STK3: variants seen among roughly 807,000 people sequenced by gnomAD.
STK3 encodes serine/threonine kinase 3, also known as serine/threonine-protein kinase 3.
In STK3, 41 loss-of-function variants were observed where a neutral mutation model predicts 58.0. That is an observed-to-expected ratio of 0.71 (90% CI 0.55 to 0.92). STK3 has a LOEUF of 0.92. Among genes scored for constraint, STK3 ranks in the 40% least tolerant of loss-of-function variants. The pLI, the probability that STK3 is intolerant of heterozygous loss-of-function variation, is 0.00. For missense variants in STK3, 479 were observed against 602.7 expected (o/e 0.79, Z 2.15); for synonymous variants, 170 against 191.0 (o/e 0.89, Z 0.91).
At chr8:98,736,939 T>C (rs1422647057) in intron 4 of STK3, among the ~76,000 whole-genome samples, 2 of 152,304 alleles carry the variant, frequency 1.3e-5, no homozygotes, top group Admixed American at 6.5e-5. Context: ...TTACTATTAA[T>C]GTGGTTAATA....
intron 6 of STK3, among the ~76,000 whole-genome samples, chr8:98,695,348 T>G (rs556169399): frequency 2.9e-4 from 44 of 152,330 alleles, no homozygotes; most frequent in African/African-American, 9.6e-4. Flanking sequence ...CTCTTTAGTT[T>G]AATTAGATCC....
chr8:98,838,983 T>G (rs1166530500), intron 3 of STK3, among the ~76,000 whole-genome samples: 1 of 137,530 alleles, frequency 7.3e-6, no homozygotes, highest in Non-Finnish European at 1.6e-5. Context: ...TTTTGTTTGT[T>G]TGTTTTGTGT....
At chr8:98,884,492 C>T (rs1022964406) in intron 1 of STK3, among the ~76,000 whole-genome samples, 7 of 152,248 alleles carry the variant, frequency 4.6e-5, no homozygotes, top group African/African-American at 1.4e-4. Flanking sequence ...ATTAACAATA[C>T]AATAGCTTAT....
rs181007104 is a variant in STK3, at chr8:98,502,429, C to T, written c.1317+24313G>A. ...TCTTGCCTGATTGCCCTGACCAGAACTTCCAACACTATGTTGAATAGGAGT... is the reference window on the plus strand; with the variant it reads ...TCTTGCCTGATTGCCCTGACCAGAATTTCCAACACTATGTTGAATAGGAGT... On this transcript the variant is annotated intron_variant, in intron 10 of 10. Coordinates refer to ENST00000419617, the MANE Select transcript of STK3 (RefSeq NM_006281.4). 5.4e-3 allele frequency among the ~76,000 whole-genome samples: 818 copies of T among 152,290 alleles called. 9 individuals carry two copies. Among genetic ancestry groups the T allele is most frequent in the African/African-American group, 0.019 (788 of 41,568 alleles).
rs1053303994 is a variant in STK3, at chr8:98,905,296, C to G, written c.-78-21462G>C. The G allele has an allele frequency of 1.9e-5, 16 of 837,040 alleles. No individual in the cohort carries two copies. In the African/African-American group the frequency reaches 2.2e-4, roughly 11 times the overall value. The allele number at this position is 837,040 out of a possible 1,614,324, so 51.9% of individuals were successfully genotyped here. The stretch of plus-strand genomic sequence containing the variant: ...AAGGCCCCTGACGGTCTCACTGCGT[C>G]CTCTGACCACTCCATGTGTATGAAG... On this transcript the variant is annotated intron_variant, in intron 1 of 1. Coordinates refer to the STK3 transcript ENST00000519420.
intron 1 of STK3, among the ~76,000 whole-genome samples, chr8:98,792,385 T>C (rs1353609293): frequency 4.6e-5 from 7 of 152,098 alleles, no homozygotes; most frequent in Admixed American, 4.6e-4. Flanking sequence ...TGGAAAACAG[T>C]GTGGAGATTC....
rs191392893 is a variant in STK3 at position 98,436,973 on chromosome 8, C to T, written n.291+130G>A. The T allele has an allele frequency of 1.7e-3, 260 of 152,430 alleles. 1 individual carries two copies. The highest frequency in any genetic ancestry group is 1.8e-3 in the Non-Finnish European group (125 of 68,096). The allele number at this position is 152,430 out of a possible 1,614,324, so 9.4% of individuals were successfully genotyped here. ...CTAAGGCTCTCACCCCGCTTCTGTC[C>T]GTGTTAACTCATGTTCATTCCCAAC... On this transcript the variant is annotated intron_variant and non_coding_transcript_variant, in intron 2 of 3. Transcript: ENST00000517832.
chr8:98,934,489 T>G (rs1381182315), intron 1 of STK3, among the ~76,000 whole-genome samples: 1 of 152,222 alleles, frequency 6.6e-6, no homozygotes, highest in Non-Finnish European at 1.5e-5. Context: ...GGGCAAGTAG[T>G]GGCAATATGC....
intron 1 of STK3, among the ~76,000 whole-genome samples, chr8:98,796,698 G>A (rs991477730): frequency 9.9e-5 from 15 of 152,174 alleles, no homozygotes; most frequent in Non-Finnish European, 2.2e-4. Flanking sequence ...GAAAATATTT[G>A]CAAACTATGC....
At chr8:98,495,735 A>AT (rs1823081419) in intron 10 of STK3, among the ~76,000 whole-genome samples, 1 of 152,232 alleles carries the variant, frequency 6.6e-6, no homozygotes, top group Non-Finnish European at 1.5e-5. Flanking sequence ...ATGCTTTTAT[A>AT]GCAACAGATT....
chr8:98,817,385 C>A (rs757908609), intron 1 of STK3, among the ~76,000 whole-genome samples: 12 of 146,628 alleles, frequency 8.2e-5, no homozygotes, highest in African/African-American at 2.5e-5. Context: ...ACCTATAAGG[C>A]GGAGGTTGCA....
chr8:98,716,085 G>A (rs1259248738), intron 4 of STK3, among the ~76,000 whole-genome samples: 1 of 152,076 alleles, frequency 6.6e-6, no homozygotes, highest in Non-Finnish European at 1.5e-5. Context: ...ATTGAACAAT[G>A]AGAACACATG....
At chr8:98,892,454 A>T (rs186652418) in intron 1 of STK3, among the ~76,000 whole-genome samples, 3 of 152,324 alleles carry the variant, frequency 2.0e-5, no homozygotes, top group Admixed American at 6.5e-5. Context: ...CTCAGAATGA[A>T]GTCCAGATTC....
intron 4 of STK3, among the ~76,000 whole-genome samples, chr8:98,710,964 C>T (rs1232013887): frequency 1.3e-5 from 2 of 152,208 alleles, no homozygotes; most frequent in Non-Finnish European, 2.9e-5. Flanking sequence ...GATCAGGCAG[C>T]AACATTTGCT....
intron 1 of STK3, among the ~76,000 whole-genome samples, chr8:98,819,785 C>T (rs1834771371): frequency 6.6e-6 from 1 of 152,174 alleles, no homozygotes; most frequent in South Asian, 2.1e-4. Context: ...ATTTTACTTT[C>T]CAACATTCCA....
intron 6 of STK3, among the ~76,000 whole-genome samples, chr8:98,703,611 C>CTCTCTCT (rs1370568080): frequency 1.3e-4 from 20 of 152,242 alleles, no homozygotes; most frequent in African/African-American, 4.6e-4. Flanking sequence ...TTTCCTTACA[C>CTCTCTCT]TCTCTCTTTT....
chr8:98,525,299 A>T (rs1173115403), intron 10 of STK3, among the ~76,000 whole-genome samples: 1 of 152,182 alleles, frequency 6.6e-6, no homozygotes, highest in Non-Finnish European at 1.5e-5. Flanking sequence ...GGAGTCAGGG[A>T]TGAGAAATTA....
chr8:98,579,854 TA>T (rs1188048225), intron 7 of STK3, 65 bp from the exon 8 acceptor site: 6 of 1,373,244 alleles, frequency 4.4e-6, no homozygotes, highest in Non-Finnish European at 5.8e-6. Context: ...TAACAAATGT[TA>T]AAACAACATG....
chr8:98,692,487 T>G (rs1456608284), intron 6 of STK3, among the ~76,000 whole-genome samples: 1 of 152,192 alleles, frequency 6.6e-6, no homozygotes, highest in Non-Finnish European at 1.5e-5. Flanking sequence ...TATTGTTTGA[T>G]TCTACTTATA....
Sources: gnomAD v4.1 joint callset for allele counts (sites outside exome capture counted in the v4.1 genomes callset) on GRCh38, gnomAD v4.1.1 for gene constraint, MANE v1.5 for transcripts, NCBI Gene and HGNC (gene_info 2026-07-23, HGNC 2026-07-21) for gene names.